Variants in GRIP1 observed in about 807,000 individuals in gnomAD.
The protein encoded by GRIP1 is glutamate receptor-interacting protein 1.
In GRIP1, 45 loss-of-function variants were observed where a neutral mutation model predicts 129.9. That is an observed-to-expected ratio of 0.35 (90% confidence interval 0.27 to 0.44). The LOEUF (loss-of-function observed/expected upper bound fraction) is 0.44, where lower values mean the gene tolerates loss of function less well. Among genes scored for constraint, GRIP1 ranks in the 20% least tolerant of loss-of-function variants. The probability of loss-of-function intolerance (pLI) is 1.00; values close to 1 mark genes in which losing one functional copy is unlikely to be tolerated. For synonymous variants in GRIP1, 530 were observed against 520.8 expected (o/e 1.02, Z -0.24); for missense variants, 1,196 against 1,396.8 (o/e 0.86, Z 2.29).
chr12:66,681,782 C>A (rs2034593121), upstream of GRIP1, among the ~76,000 whole-genome samples: 1 of 152,170 alleles, frequency 6.6e-6, no homozygotes, highest in African/African-American at 2.4e-5. Context: ...AACACAAACA[C>A]CTCAATACAT....
intron 5 of GRIP1, among the ~76,000 whole-genome samples, chr12:66,528,533 C>A (rs61928462): frequency 6.6e-6 from 1 of 151,924 alleles, no homozygotes; most frequent in Non-Finnish European, 1.5e-5. Flanking sequence ...CACATAGATA[C>A]CCAAGAGATT....
intron 1 of GRIP1, among the ~76,000 whole-genome samples, chr12:66,811,244 G>T (rs1221635678): frequency 6.6e-6 from 1 of 152,124 alleles, no homozygotes; most frequent in Non-Finnish European, 1.5e-5. Flanking sequence ...TGTAGAATGA[G>T]CATAAAAGAG....
At chr12:66,500,819 G>A (rs2060372446) in intron 7 of GRIP1, among the ~76,000 whole-genome samples, 1 of 152,178 alleles carries the variant, frequency 6.6e-6, no homozygotes, top group Non-Finnish European at 1.5e-5. Context: ...CCAATAGAAT[G>A]TCTTCAGGTA....
Position 66,412,989 on chromosome 12 carries a change from T to A in GRIP1, c.1839-6561A>T, listed in dbSNP as rs965703252. ...TCTTAGAGACCTATGAAGAAACTTA[T>A]ACTCCCACACAGTGACAGTGGGATA... is the stretch of plus-strand genomic sequence containing the variant. On this transcript the variant is annotated intron_variant, in intron 15 of 24. Transcript: ENST00000359742. 3.9e-5 allele frequency among the ~76,000 whole-genome samples: 6 copies of A among 152,134 alleles called. 1 individual carries two copies. The highest frequency in any genetic ancestry group is 3.9e-4 in the Admixed American group (6 of 15,268).
intron 23 of GRIP1, among the ~76,000 whole-genome samples, chr12:66,360,146 C>A (rs1053784611): frequency 6.6e-6 from 1 of 151,594 alleles, no homozygotes; most frequent in Non-Finnish European, 1.5e-5. Flanking sequence ...GAATATCTGA[C>A]CTCGTTTGCT....
chr12:66,700,763 A>G (rs768199840), intron 1 of GRIP1, among the ~76,000 whole-genome samples: 6 of 152,206 alleles, frequency 3.9e-5, no homozygotes, highest in Non-Finnish European at 5.9e-5. Context: ...GGATGCTGGT[A>G]TCAGGGAGCA....
rs550452287 is a variant in GRIP1, at chr12:67,022,319, T to C, written c.58+46731A>G. 1.9e-3 allele frequency among the ~76,000 whole-genome samples: 283 copies of C among 152,322 alleles called. 3 individuals carry two copies. The highest frequency in any genetic ancestry group is 6.1e-3 in the African/African-American group (255 of 41,568). On this transcript the variant is annotated intron_variant, in intron 1 of 1. Coordinates refer to the GRIP1 transcript ENST00000643019. ...CATCCTATCAACAGTTACACCACAG[T>C]TTATTTATGCATTCACCTATTGCTA... is the stretch of plus-strand genomic sequence containing the variant.
intron 1 of GRIP1, among the ~76,000 whole-genome samples, chr12:66,967,687 A>T (rs144476507): frequency 0.01 from 1,548 of 151,990 alleles, 33 homozygotes; most frequent in African/African-American, 0.035. Context: ...TTATCTTGTG[A>T]CCTCTTCAGT....
chr12:66,604,652 T>C (rs1184628519), intron 1 of GRIP1, among the ~76,000 whole-genome samples: 3 of 152,250 alleles, frequency 2.0e-5, no homozygotes, highest in African/African-American at 7.2e-5. Context: ...CAGTCTCTCA[T>C]AGGTTCAATA....
At chr12:67,009,690 T>C (rs555378199) in intron 1 of GRIP1, among the ~76,000 whole-genome samples, 17 of 152,176 alleles carry the variant, frequency 1.1e-4, no homozygotes, top group Non-Finnish European at 2.2e-4. Flanking sequence ...GACTACAACC[T>C]GTTAATCCTC....
chr12:66,652,675 C>T (rs190009440), intron 1 of GRIP1, among the ~76,000 whole-genome samples: 5 of 152,332 alleles, frequency 3.3e-5, no homozygotes, highest in East Asian at 1.9e-4. Context: ...CTCTGCACAG[C>T]GGGTGCTAGA....
At chr12:66,965,249 T>G (rs1420019024) in intron 1 of GRIP1, among the ~76,000 whole-genome samples, 1 of 152,096 alleles carries the variant, frequency 6.6e-6, no homozygotes, top group Non-Finnish European at 1.5e-5. Context: ...AAATACTCCT[T>G]CAACATCTTT....
At chr12:67,065,654 G>A (rs1016949418) in intron 1 of GRIP1, among the ~76,000 whole-genome samples, 1 of 152,104 alleles carries the variant, frequency 6.6e-6, no homozygotes, top group Non-Finnish European at 1.5e-5. Context: ...CAAGCATTAT[G>A]GTTGATTTTC....
intron 1 of GRIP1, among the ~76,000 whole-genome samples, chr12:66,787,095 T>C (rs950349967): frequency 6.6e-6 from 1 of 152,136 alleles, no homozygotes; most frequent in African/African-American, 2.4e-5. Context: ...TACCTAGTAT[T>C]TGACCCCTAA....
intron 5 of GRIP1, among the ~76,000 whole-genome samples, chr12:66,521,361 C>A (rs3970924): frequency 0.18 from 27,446 of 152,152 alleles, 2,710 homozygotes; most frequent in East Asian, 0.32. Context: ...ACAAGTTTAT[C>A]CACATCTCTT....
At chr12:66,430,364 G>C (rs1456340035) in intron 14 of GRIP1, among the ~76,000 whole-genome samples, 7 of 152,188 alleles carry the variant, frequency 4.6e-5, no homozygotes, top group African/African-American at 1.7e-4. Flanking sequence ...ACAAGCTCAT[G>C]TATCATTTCT....
In GRIP1 at chr12:66,445,522, C is replaced by CTAG; in HGVS notation, c.1355-15_1355-14insCTA. On this transcript the variant is annotated splice_polypyrimidine_tract_variant and intron_variant, in intron 11 of 24. Coordinates refer to ENST00000359742, the MANE Select transcript of GRIP1 (RefSeq NM_001366722.1). ...AGGCTAAGGACACTAGAGGAACAAA[C>CTAG]AGAAAATACTGACTTTAGGTTGGAG... 1 of 1,598,750 alleles carries CTAG rather than the reference C, an allele frequency of 6.3e-7. No homozygotes were observed.
intron 1 of GRIP1, among the ~76,000 whole-genome samples, chr12:66,627,394 A>G (rs2030209073): frequency 6.6e-6 from 1 of 152,038 alleles, no homozygotes; most frequent in African/African-American, 2.4e-5. Flanking sequence ...TTTCTCATTC[A>G]CTCATTAATT....
chr12:66,775,486 T>C (rs1053224512), intron 1 of GRIP1, among the ~76,000 whole-genome samples: 1 of 152,160 alleles, frequency 6.6e-6, no homozygotes, highest in Non-Finnish European at 1.5e-5. Flanking sequence ...ATCATCTTCA[T>C]TTGTCAATTT....
Sources: allele counts gnomAD v4.1 joint callset (sites outside exome capture counted in the v4.1 genomes callset), GRCh38; gene constraint gnomAD v4.1.1; transcripts MANE v1.5; gene names NCBI Gene and HGNC (gene_info 2026-07-23, HGNC 2026-07-21).